The following PARD3B variants were observed in gnomAD, a reference collection of about 807,000 sequenced individuals.
PARD3B encodes partitioning defective 3 homolog B.
A neutral mutation model predicts 130.2 loss-of-function variants in PARD3B; 103 were observed. That is an observed-to-expected ratio of 0.79 (90% CI 0.67 to 0.93). The LOEUF (loss-of-function observed/expected upper bound fraction) is 0.93, where lower values mean the gene tolerates loss of function less well. Ranked by LOEUF, PARD3B falls within the 40% of genes least tolerant of loss-of-function variation. The pLI, the probability that PARD3B is intolerant of heterozygous loss-of-function variation, is 0.00. For synonymous variants in PARD3B, 583 were observed against 553.2 expected (o/e 1.05, Z -0.76); for missense variants, 1,609 against 1,499.2 (o/e 1.07, Z -1.21).
chr2:205,240,372 T>G (rs1295590273), intron 15 of PARD3B, among the ~76,000 whole-genome samples: 2 of 152,194 alleles, frequency 1.3e-5, no homozygotes, highest in Admixed American at 6.5e-5. Context: ...CATTAGAAGA[T>G]GTATTTTTAT....
At chr2:205,448,743 G>A (rs2047993751) in intron 20 of PARD3B, among the ~76,000 whole-genome samples, 1 of 152,100 alleles carries the variant, frequency 6.6e-6, no homozygotes, top group African/African-American at 2.4e-5. Flanking sequence ...GGGATCTTCA[G>A]TTAGCTATTA....
At position 205,325,170 on chromosome 2, in the gene PARD3B, CAT is replaced by C. The variant is rs1249875695; in HGVS notation, c.2630+23474_2630+23475del. On this transcript the variant is annotated intron_variant, in intron 18 of 22. Transcript: ENST00000406610. This position sits in a 1 kb window ranked among gnomAD's most constrained non-coding sequence, Gnocchi z 4.1. ...GTACTGCCCATCTGATCTTCACAAA[CAT>C]ATATTTGATCTTCTACCAAAATTTT... Among the ~76,000 whole-genome samples, 2 of 152,146 alleles carry C rather than the reference CAT, an allele frequency of 1.3e-5. No individual in the cohort carries two copies. Among genetic ancestry groups the C allele is most frequent in the Non-Finnish European group, 2.9e-5 (2 of 68,022 alleles).
intron 1 of PARD3B, among the ~76,000 whole-genome samples, chr2:204,599,552 G>A (rs1574525609): frequency 6.6e-6 from 1 of 151,924 alleles, no homozygotes; most frequent in African/African-American, 2.4e-5. Flanking sequence ...ATATTCCATT[G>A]TGTATATATG....
chr2:205,252,838 ACCC>A (rs35793665), intron 16 of PARD3B, among the ~76,000 whole-genome samples: 6 of 83,936 alleles, frequency 7.1e-5, no homozygotes, highest in Non-Finnish European at 1.3e-4. Context: ...ACCTGAAGGG[ACCC>A]CCCCCCCCCA....
rs568377254 is a variant in PARD3B, at chr2:204,742,938, T to G, written c.222+56656T>G. 3.0e-3 allele frequency among the ~76,000 whole-genome samples: 450 copies of G among 152,322 alleles called. 2 individuals are homozygous for G. The highest frequency in any genetic ancestry group is 9.6e-3 in the African/African-American group (400 of 41,580). On this transcript the variant is annotated intron_variant, in intron 2 of 22. Transcript: ENST00000406610. ...TAAAAGAGATTTCATTTACATTGTT[T>G]CCATTTACAAAGCTTTTTCTCAGAG... is the stretch of plus-strand genomic sequence containing the variant.
chr2:205,343,610 G>GTA (rs2043628377), intron 18 of PARD3B, among the ~76,000 whole-genome samples: 1 of 152,138 alleles, frequency 6.6e-6, no homozygotes, highest in South Asian at 2.1e-4. Context: ...CACTTTCTCT[G>GTA]ACCATCTGTA....
At chr2:204,852,615 C>G (rs928782461) in intron 2 of PARD3B, among the ~76,000 whole-genome samples, 1 of 150,424 alleles carries the variant, frequency 6.6e-6, no homozygotes, top group African/African-American at 2.5e-5. Flanking sequence ...GTATATTTCT[C>G]AAGAGGCTGA....
chr2:204,705,394 G>A (rs1413465342), intron 2 of PARD3B, among the ~76,000 whole-genome samples: 3 of 152,160 alleles, frequency 2.0e-5, no homozygotes, highest in Admixed American at 1.3e-4. Context: ...AGAGTGAGTG[G>A]TTGGAGGCAA....
At chr2:204,972,399 C>G (rs58305262) in intron 3 of PARD3B, among the ~76,000 whole-genome samples, 3,388 of 152,154 alleles carry the variant, frequency 0.022, 126 homozygotes, top group African/African-American at 0.074. Context: ...AAAATTACCA[C>G]CATCCTAACA....
intron 2 of PARD3B, among the ~76,000 whole-genome samples, chr2:204,787,163 G>C (rs2042041317): frequency 7.2e-6 from 1 of 138,266 alleles, no homozygotes. Context: ...AACTCAGAGT[G>C]CTGCCATTCC....
chr2:205,062,406 C>G (rs1700114267), intron 4 of PARD3B, among the ~76,000 whole-genome samples: 1 of 152,130 alleles, frequency 6.6e-6, no homozygotes, highest in Non-Finnish European at 1.5e-5. Context: ...GCTGTGCCCA[C>G]AGAGCTACCT....
chr2:205,299,561 TTATA>T (rs1289898796), intron 16 of PARD3B, among the ~76,000 whole-genome samples: 1 of 17,240 alleles, frequency 5.8e-5, no homozygotes, highest in Non-Finnish European at 1.9e-4. Flanking sequence ...ATATTATATA[TTATA>T]TATATATATA....
rs541988981 is a variant in PARD3B, at chr2:204,550,608, A to T, written c.120+4489A>T. ...GGCCAATTTGTGGCTCTGACTGCGT[A>T]TGTGAGTACACCCTTTTTTGGAAAG... is the stretch of plus-strand genomic sequence containing the variant. On this transcript the variant is annotated intron_variant, in intron 1 of 22. Coordinates refer to ENST00000406610, the MANE Select transcript of PARD3B (RefSeq NM_001302769.2). Among the ~76,000 whole-genome samples, 9 of 152,252 alleles carry T rather than the reference A, an allele frequency of 5.9e-5. No homozygotes were observed. In the South Asian group the frequency reaches 1.7e-3, roughly 28 times the overall value.
At chr2:205,508,706 T>C (rs1433408883) in intron 21 of PARD3B, among the ~76,000 whole-genome samples, 3 of 152,188 alleles carry the variant, frequency 2.0e-5, no homozygotes, top group African/African-American at 4.8e-5. Flanking sequence ...AGTGGCTGAC[T>C]TTATCAACAC....
At chr2:204,935,397 G>A (rs1688365650) in intron 2 of PARD3B, among the ~76,000 whole-genome samples, 1 of 148,634 alleles carries the variant, frequency 6.7e-6, no homozygotes, top group Admixed American at 6.7e-5. Context: ...AAATTAGCCT[G>A]GCATGGTGAC....
rs2125310280 is a variant in PARD3B at position 205,011,833 on chromosome 2, T to A, written c.395-35748T>A. Among the ~76,000 whole-genome samples the A allele has an allele frequency of 6.6e-6, 1 of 152,176 alleles. No homozygotes were observed. Among genetic ancestry groups the A allele is most frequent in the African/African-American group, 2.4e-5 (1 of 41,526 alleles). On this transcript the variant is annotated intron_variant, in intron 3 of 22. Transcript: ENST00000406610. The surrounding 1 kb of genome is among the most constrained non-coding windows in gnomAD (Gnocchi z 4.1). The stretch of plus-strand genomic sequence containing the variant: ...ACAACCATGCATCACACTCAGCCTC[T>A]GCAGTTATGCCTGGCATCATTTAGA...
At chr2:205,190,067 T>G (rs1394877146) in intron 14 of PARD3B, among the ~76,000 whole-genome samples, 1 of 152,224 alleles carries the variant, frequency 6.6e-6, no homozygotes, top group Admixed American at 6.5e-5. Flanking sequence ...TGATCCTTCT[T>G]GATTATATGC....
At chr2:205,216,223 C>A (rs1434863283) in intron 15 of PARD3B, among the ~76,000 whole-genome samples, 2 of 152,052 alleles carry the variant, frequency 1.3e-5, no homozygotes, top group African/African-American at 4.8e-5. Flanking sequence ...AGCATAGGTA[C>A]CATAGGCTAG....
At chr2:204,725,515 A>T (rs1301685455) in intron 2 of PARD3B, among the ~76,000 whole-genome samples, 4 of 152,190 alleles carry the variant, frequency 2.6e-5, no homozygotes, top group Non-Finnish European at 5.9e-5. Flanking sequence ...ATAAAACTTA[A>T]TACCTTAGAA....
Sources: gnomAD v4.1 joint callset for allele counts (sites outside exome capture counted in the v4.1 genomes callset) on GRCh38, gnomAD v4.1.1 for gene constraint, Gnocchi (gnomAD v3.1) non-coding constraint, MANE v1.5 for transcripts, NCBI Gene and HGNC (gene_info 2026-07-23, HGNC 2026-07-21) for gene names.